YJU2: variants seen among roughly 807,000 people sequenced by gnomAD.
YJU2 encodes the protein YJU2 splicing factor homolog.
Under a neutral mutation model 39.6 loss-of-function variants are expected in YJU2, and 28 were observed. The ratio of observed to expected loss-of-function variants is 0.71; its 90% CI spans 0.52 to 0.97. The LOEUF is 0.97. Among genes scored for constraint, YJU2 ranks in the 50% least tolerant of loss-of-function variants. YJU2 has a pLI of 0.00. For missense variants in YJU2, 328 were observed against 430.4 expected, an observed-to-expected ratio of 0.76 and a Z score of 2.11; for synonymous variants, 184 against 182.4, an observed-to-expected ratio of 1.01 and a Z score of -0.07.
chr19:4,251,546 G>C (rs961081946), intron 3 of YJU2, among the ~76,000 whole-genome samples: 5 of 152,010 alleles, frequency 3.3e-5, no homozygotes, highest in African/African-American at 1.2e-4. Flanking sequence ...AAAATTACTG[G>C]GCATGGTGGC....
rs752613559 is a variant in YJU2, at chr19:4,262,040, G to A, written c.634G>A (p.Asp212Asn). The A allele has an allele frequency of 6.1e-5, 99 of 1,613,112 alleles. No individual in the cohort carries two copies. Among genetic ancestry groups the A allele is most frequent in the Non-Finnish European group, 7.9e-5 (93 of 1,179,980 alleles). Residue 212 changes from aspartate (D) to asparagine (N), a missense_variant, in exon 6 of 8, where the codon GAC becomes AAC. Physicochemically the swap from Asp to Asn is conservative, Grantham distance 23. Transcript: ENST00000262962. ...AAAGCGAAGACTGCTGGAGGACTCC[G>A]ACTCAGAGGATGAGGCTGCTCCCTC... ...ARKRRLLEDS[D>N]SEDEAAPSPL...
Position 4,251,088 on chromosome 19 carries a change from G to T in YJU2, c.187G>T (p.Val63Leu). The T allele has an allele frequency of 6.2e-7, 1 of 1,614,172 alleles. No individual in the cohort carries two copies. Among genetic ancestry groups the T allele is most frequent in the Non-Finnish European group, 8.5e-7 (1 of 1,180,004 alleles). The change falls in exon 3 of 8, where the codon GTG (valine) becomes TTG (leucine). Residue 63 changes from valine (V) to leucine (L), a missense_variant. Transcript: ENST00000262962. ...GAAATTCAATGCTCGGAAGGAGACG[G>T]TGCAGAACGAGGTCTACCTGGGCCT... ...GKKFNARKET[V>L]QNEVYLGLPI...
chr19:4,260,890 C>T (rs1354378789), intron 5 of YJU2, among the ~76,000 whole-genome samples: 2 of 152,122 alleles, frequency 1.3e-5, no homozygotes, highest in African/African-American at 2.4e-5. Context: ...ATACCCAGGA[C>T]AACATCCATC....
In YJU2 at chr19:4,268,571, G is replaced by A. The variant is rs765698152; in HGVS notation, c.860-13G>A. On this transcript the variant is annotated splice_polypyrimidine_tract_variant and intron_variant, in intron 7 of 7. Transcript: ENST00000262962. ...GTGGAGCTGAGATGAGCTAACTCTCGCTCTCCCACCAGGAGCCCCGCAGAA... is the reference window on the plus strand; with the variant it reads ...GTGGAGCTGAGATGAGCTAACTCTCACTCTCCCACCAGGAGCCCCGCAGAA... 17 of 1,590,184 alleles carry A rather than the reference G, an allele frequency of 1.1e-5. No individual in the cohort carries two copies. In the South Asian group the frequency reaches 1.1e-4, roughly 10 times the overall value.
At chr19:4,258,459 C>A in intron 5 of YJU2, 36 bp downstream of exon 5, 1 of 1,548,488 alleles carries the variant, frequency 6.5e-7, no homozygotes, top group Non-Finnish European at 8.7e-7. Context: ...CCCCACCTCG[C>A]AGCCTCTGCC....
chr19:4,266,572 C>A (rs1055576126), intron 6 of YJU2, among the ~76,000 whole-genome samples: 3 of 152,146 alleles, frequency 2.0e-5, no homozygotes, highest in Non-Finnish European at 1.5e-5. Context: ...GGATGTTATC[C>A]TGGGTATTGG....
chr19:4,263,607 C>T (rs1228357336), intron 6 of YJU2, among the ~76,000 whole-genome samples: 3 of 151,724 alleles, frequency 2.0e-5, no homozygotes, highest in African/African-American at 2.4e-5. Flanking sequence ...GTCAGGAGTT[C>T]GAGACCAGCC....
chr19:4,256,179 A>ATATATATAT (rs1374495655), intron 4 of YJU2, among the ~76,000 whole-genome samples: 20 of 97,228 alleles, frequency 2.1e-4, no homozygotes, highest in African/African-American at 1.1e-3. Context: ...CAAAAAAAAA[A>ATATATATAT]AAATATATAT....
chr19:4,258,117 T>C (rs1971037358), intron 4 of YJU2, 125 bp from the exon 5 acceptor site: 10 of 1,384,332 alleles, frequency 7.2e-6, no homozygotes, highest in East Asian at 2.5e-5. Flanking sequence ...GGGGGTTCCC[T>C]GAGCAGGATG....
At chr19:4,263,809 C>CAAA (rs34863832) in intron 6 of YJU2, among the ~76,000 whole-genome samples, 2 of 98,370 alleles carry the variant, frequency 2.0e-5, no homozygotes, top group African/African-American at 3.6e-5. Flanking sequence ...GACTCTATCT[C>CAAA]AAAAAAAAAA....
chr19:4,250,889 G>A, intron 2 of YJU2, 138 bp from the exon 3 acceptor site: 3 of 862,906 alleles, frequency 3.5e-6, no homozygotes, highest in Non-Finnish European at 5.4e-6. Flanking sequence ...ACAGGGTGGG[G>A]CAGCCTGCCT....
chr19:4,247,573 GGGGTGGCGCGTGTGTGTGTGTGTGTGTGT>G (rs1568359431), intron 1 of YJU2, among the ~76,000 whole-genome samples: 1 of 87,686 alleles, frequency 1.1e-5, no homozygotes, highest in African/African-American at 9.7e-5. Context: ...GGGGTGGGGT[GGGGTGGCGCGTGTGTGTGTGTGTGTGTGT>G]GTGTGTGTGT....
chr19:4,247,250 CTCT>C (rs1458893798), intron 1 of YJU2, 80 bp downstream of exon 1: 2 of 1,307,002 alleles, frequency 1.5e-6, no homozygotes, highest in African/African-American at 2.9e-5. Context: ...TTCCTGAGAT[CTCT>C]TCTTTGGAAC....
At chr19:4,247,233 G>T in intron 1 of YJU2, 63 bp downstream of exon 1, 2 of 1,456,214 alleles carry the variant, frequency 1.4e-6, no homozygotes, top group South Asian at 1.2e-5. Context: ...CCGGGAGAGG[G>T]AGGAGCTTCC....
At chr19:4,248,964 G>T (rs576393391) in intron 1 of YJU2, among the ~76,000 whole-genome samples, 12 of 152,148 alleles carry the variant, frequency 7.9e-5, no homozygotes, top group Non-Finnish European at 1.2e-4. Context: ...AGCTTCCCGT[G>T]TAGACAGCAT....
At chr19:4,247,627 GTGTGTGTGTGTGTGTGT>G (rs1970937706) in intron 1 of YJU2, among the ~76,000 whole-genome samples, 10 of 49,052 alleles carry the variant, frequency 2.0e-4, no homozygotes, top group African/African-American at 5.8e-4. Context: ...GTGTGTGTGT[GTGTGTGTGTGTGTGTGT>G]GTGTGTGTGT....
Position 4,267,604 on chromosome 19 carries a change from TG to T in YJU2, c.709-19del. 6.2e-7 allele frequency: 1 copy of T among 1,609,384 alleles called. No individual in the cohort carries two copies. The highest frequency in any genetic ancestry group is 8.5e-7 in the Non-Finnish European group (1 of 1,177,926). ...CCTGGATCCGGGCCAGACCCCCACA[TG>T]TGTCCCCATCACCTGCAGGCCCCAA... On this transcript the variant is annotated intron_variant, in intron 6 of 7. Transcript: ENST00000262962.
intron 5 of YJU2, among the ~76,000 whole-genome samples, chr19:4,261,217 T>G (rs1943119847): frequency 6.6e-6 from 1 of 152,152 alleles, no homozygotes; most frequent in South Asian, 2.1e-4. Flanking sequence ...CTAAAAGACA[T>G]TTTCTTTGAA....
At position 4,262,044 on chromosome 19, in the gene YJU2, C is replaced by CA. The variant is rs1283114505; in HGVS notation, c.639dup (p.Glu214ArgfsTer3). The stretch of plus-strand genomic sequence containing the variant: ...CGAAGACTGCTGGAGGACTCCGACT[C>CA]AGAGGATGAGGCTGCTCCCTCGCCC... On this transcript the variant is annotated frameshift_variant, in exon 6 of 8. Transcript: ENST00000262962. LOFTEE classifies it high-confidence loss of function. 1 of 1,613,246 alleles carries CA rather than the reference C, an allele frequency of 6.2e-7. No individual in the cohort carries two copies.
Sources: allele counts gnomAD v4.1 joint callset (sites outside exome capture counted in the v4.1 genomes callset), GRCh38; gene constraint gnomAD v4.1.1; transcripts MANE v1.5; gene names NCBI Gene and HGNC (gene_info 2026-07-23, HGNC 2026-07-21).